The following CORO6 variants were observed in gnomAD, a reference collection of about 807,000 sequenced individuals.
CORO6 encodes coronin-6.
CORO6 carries 43 observed loss-of-function variants against 49.0 expected under a neutral mutation model. The ratio of observed to expected loss-of-function variants is 0.88; its 90% CI spans 0.69 to 1.13. The LOEUF (loss-of-function observed/expected upper bound fraction) is 1.13. Ranked by LOEUF, CORO6 falls within the 50% of genes most tolerant of loss-of-function variation. The pLI is 0.00. For missense variants in CORO6, 650 were observed against 647.0 expected (o/e 1.00, Z -0.05); for synonymous variants, 233 against 256.5 (o/e 0.91, Z 0.88).
Position 29,616,480 on chromosome 17 carries a change from A to G in CORO6, c.1005-144T>C. 1.1e-6 allele frequency: 1 copy of G among 922,900 alleles called. No homozygotes were observed. Among genetic ancestry groups the G allele is most frequent in the Non-Finnish European group, 1.6e-6 (1 of 616,426 alleles). The allele number at this position is 922,900 out of a possible 1,614,324, so 57.2% of individuals were successfully genotyped here. ...TACACACATTATTGGTTCTGCAATA[A>G]AACACCCTGATGGTGTGTTCACCAT... On this transcript the variant is annotated intron_variant, in intron 8 of 10. Coordinates refer to ENST00000388767, the MANE Select transcript of CORO6 (RefSeq NM_032854.4). This position sits in a 1 kb window ranked among gnomAD's most constrained non-coding sequence, Gnocchi z 5.6.
Position 29,615,559 on chromosome 17 carries a change from G to A in CORO6, c.*173C>T, listed in dbSNP as rs1007082192. ...GCAGTCCAGCCTCCGCTGGAGCGAC[G>A]TGGGTCTCCCCTAAGCTCCAAGAGT... is the stretch of plus-strand genomic sequence containing the variant. On this transcript the variant is annotated 3_prime_UTR_variant, in exon 11 of 11. Transcript: ENST00000388767. 15 of 665,874 alleles carry A rather than the reference G, an allele frequency of 2.3e-5. No homozygotes were observed. Among genetic ancestry groups the A allele is most frequent in the Middle Eastern group, 4.2e-4 (1 of 2,378 alleles). The allele number at this position is 665,874 out of a possible 1,614,324, so 41.2% of individuals were successfully genotyped here.
intron 2 of CORO6, 128 bp from the exon 3 acceptor site, chr17:29,619,901 T>C (rs987716102): frequency 1.3e-6 from 1 of 780,502 alleles, no homozygotes; most frequent in African/African-American, 1.7e-5. Context: ...TCTGCACTTC[T>C]AACCCCATCC....
chr17:29,615,041 G>C lies in CORO6; in HGVS notation c.*691C>G, dbSNP rs1009100712. 8 of 152,278 alleles carry C rather than the reference G, an allele frequency of 5.3e-5. No homozygotes were observed. Among genetic ancestry groups the C allele is most frequent in the African/African-American group, 1.9e-4 (8 of 41,452 alleles). The allele number at this position is 152,278 out of a possible 1,614,324, so 9.4% of individuals were successfully genotyped here. A position where few individuals can be genotyped will look rare whatever the true frequency, so the allele number is the denominator to read the frequency against. ...TTTCTGAGAGAGGCAACGGCAGAGG[G>C]TTGGGGGCAGTGTGTGTGTATTTGT... On this transcript the variant is annotated 3_prime_UTR_variant, in exon 11 of 11. Transcript: ENST00000388767.
rs1598637783 is a variant in CORO6 at position 29,617,628 on chromosome 17, A to G, written c.634-9T>C. 1 of 1,576,424 alleles carries G rather than the reference A, an allele frequency of 6.3e-7. No individual in the cohort carries two copies. The highest frequency in any genetic ancestry group is 8.6e-7 in the Non-Finnish European group (1 of 1,163,408). On this transcript the variant is annotated splice_polypyrimidine_tract_variant and intron_variant, in intron 5 of 10. Coordinates refer to ENST00000388767, the MANE Select transcript of CORO6 (RefSeq NM_032854.4). ...TGGGCCGCAAACCTCTCCTGGGGGG[A>G]GGGGGAGACAGGGAGGGACATCACC...
chr17:29,616,652 A>C lies in CORO6; in HGVS notation c.1004+50T>G. 17 of 1,594,484 alleles carry C rather than the reference A, an allele frequency of 1.1e-5. No homozygotes were observed. The highest frequency in any genetic ancestry group is 1.5e-5 in the Non-Finnish European group (17 of 1,164,988). ...AGCCCCGTGGCTAGGACCCGACATG[A>C]GTGGGGGACAGAGGCGGGTAGGTGT... On this transcript the variant is annotated intron_variant, in intron 8 of 10. Coordinates refer to ENST00000388767, the MANE Select transcript of CORO6 (RefSeq NM_032854.4). The surrounding 1 kb of genome is among the most constrained non-coding windows in gnomAD (Gnocchi z 5.6).
At position 29,621,573 on chromosome 17, in the gene CORO6, T is replaced by C; in HGVS notation, c.-63-89A>G. On this transcript the variant is annotated intron_variant, in intron 1 of 10. Transcript: ENST00000388767. The surrounding 1 kb of genome is among the most constrained non-coding windows in gnomAD (Gnocchi z 4.2). ...TATAAATCCATATAGTGTCTGGTCCTAGAAGCAGGGAGCTTTCTTCAAGGT... is the reference window on the plus strand; with the variant it reads ...TATAAATCCATATAGTGTCTGGTCCCAGAAGCAGGGAGCTTTCTTCAAGGT... 7.4e-7 allele frequency: 1 copy of C among 1,345,122 alleles called. No individual in the cohort carries two copies. The highest frequency in any genetic ancestry group is 2.5e-5 in the East Asian group (1 of 39,270). The allele number at this position is 1,345,122 out of a possible 1,614,324, so 83.3% of individuals were successfully genotyped here.
chr17:29,617,806 C>T (rs1234844267), intron 5 of CORO6, 187 bp from the exon 6 acceptor site: 2 of 744,698 alleles, frequency 2.7e-6, no homozygotes, highest in Non-Finnish European at 4.2e-6. Flanking sequence ...TGGAGAGCAT[C>T]CGGGCCTGGA....
At position 29,618,787 on chromosome 17, in the gene CORO6, C is replaced by G. The variant is rs373980692; in HGVS notation, c.633+3G>C. On this transcript the variant is annotated splice_donor_region_variant and intron_variant, in intron 5 of 10. Transcript: ENST00000388767. ...CTGGGGAGTGGCCAGGCCAGGCACT[C>G]ACCGCCACCACTTGGCCTTTTCTGG... The G allele has an allele frequency of 1.9e-6, 3 of 1,612,846 alleles. No homozygotes were observed. The African/African-American group carries it at 4.0e-5, about 22-fold the overall frequency.
chr17:29,616,856 T>G lies in CORO6; in HGVS notation c.859-9A>C, dbSNP rs528910705. On this transcript the variant is annotated splice_polypyrimidine_tract_variant and intron_variant, in intron 7 of 10. Transcript: ENST00000388767. The surrounding 1 kb of genome is among the most constrained non-coding windows in gnomAD (Gnocchi z 5.6). ...CGAATGCTGCTGTCGCCCTGCAAAA[T>G]CAGTCGGTTCAGGGGCGCGCCCGGA... 3.1e-6 allele frequency: 5 copies of G among 1,612,698 alleles called. No individual in the cohort carries two copies. In the African/African-American group the frequency reaches 5.3e-5, roughly 17 times the overall value.
rs776422694 is a variant in CORO6, at chr17:29,621,252, C to A, written c.170G>T (p.Gly57Val). The change falls in exon 2 of 11, where the codon GGT becomes GTT. Residue 57 changes from glycine (G) to valine (V), a missense_variant. Transcript: ENST00000388767. The surrounding 1 kb of genome is among the most constrained non-coding windows in gnomAD (Gnocchi z 4.2). ...GGCCAGAGGCAGGACGATGAAGGCA[C>A]CCCCGCCTCCAGCCTCCACAATAAT... ...LAIIVEAGGG[G>V]AFIVLPLAKT... 5 of 1,614,136 alleles carry A rather than the reference C, an allele frequency of 3.1e-6. No homozygotes were observed. In the East Asian group the frequency reaches 8.9e-5, roughly 29 times the overall value.
chr17:29,620,003 C>T (rs1483078950), intron 2 of CORO6, among the ~76,000 whole-genome samples: 4 of 152,180 alleles, frequency 2.6e-5, no homozygotes, highest in Non-Finnish European at 4.4e-5. Context: ...TCATCAAGGA[C>T]ACACAACAAG....
chr17:29,616,587 C>T lies in CORO6; in HGVS notation c.1004+115G>A, dbSNP rs929080315. The T allele has an allele frequency of 2.2e-6, 3 of 1,390,000 alleles. No individual in the cohort carries two copies. The highest frequency in any genetic ancestry group is 1.4e-5 in the African/African-American group (1 of 70,126). 86.1% of individuals were successfully genotyped at this position (1,390,000 alleles called of 1,614,324 possible). On this transcript the variant is annotated intron_variant, in intron 8 of 10. Coordinates refer to ENST00000388767, the MANE Select transcript of CORO6 (RefSeq NM_032854.4). The surrounding 1 kb of genome is among the most constrained non-coding windows in gnomAD (Gnocchi z 5.6). ...TGGCACTGAAACAGAGCTGTCTTAT[C>T]CCCCCGCCCCGCTTTTCCAAAGCAC...
intron 6 of CORO6, chr17:29,617,287 C>T (rs1359861496): frequency 6.5e-7 from 1 of 1,531,106 alleles, no homozygotes; most frequent in Non-Finnish European, 8.7e-7. Flanking sequence ...CCCAGGGACT[C>T]GGCATCACCA....
At position 29,621,839 on chromosome 17, in the gene CORO6, C is replaced by T. The variant is rs1178501023; in HGVS notation, c.-63-355G>A. The T allele has an allele frequency of 9.1e-5, 20 of 220,498 alleles. No homozygotes were observed. In the Admixed American group the frequency reaches 1.0e-3, roughly 11 times the overall value. 13.7% of individuals were successfully genotyped at this position (220,498 alleles called of 1,614,324 possible). A position where few individuals can be genotyped will look rare whatever the true frequency, so the allele number is the denominator to read the frequency against. On this transcript the variant is annotated intron_variant, in intron 1 of 10. Coordinates refer to ENST00000388767, the MANE Select transcript of CORO6 (RefSeq NM_032854.4). The surrounding 1 kb of genome is among the most constrained non-coding windows in gnomAD (Gnocchi z 4.2). Reference sequence around the variant, plus strand: ...TCTCTTCACGGACGTGGTTGTAGCTCCCAGAGGCACCCTGTCCAGAAGCAG... The same window carrying T: ...TCTCTTCACGGACGTGGTTGTAGCTTCCAGAGGCACCCTGTCCAGAAGCAG...
intron 4 of CORO6, 31 bp from the exon 5 acceptor site, chr17:29,619,002 G>C: frequency 6.2e-7 from 1 of 1,612,422 alleles, no homozygotes; most frequent in South Asian, 1.1e-5. Flanking sequence ...TGGTCACCTG[G>C]GTCCCACCTT....
intron 6 of CORO6, 133 bp downstream of exon 6, chr17:29,617,367 G>A (rs1465120700): frequency 1.3e-6 from 2 of 1,542,596 alleles, no homozygotes; most frequent in Middle Eastern, 1.7e-4. Context: ...GTGTGAGAAT[G>A]GCAGGCGCTG....
chr17:29,622,829 C>T lies in CORO6; in HGVS notation c.-205G>A. 7.7e-7 allele frequency: 1 copy of T among 1,306,482 alleles called. No homozygotes were observed. The highest frequency in any genetic ancestry group is 1.0e-6 in the Non-Finnish European group (1 of 991,796). The allele number at this position is 1,306,482 out of a possible 1,614,324, so 80.9% of individuals were successfully genotyped here. A position where few individuals can be genotyped will look rare whatever the true frequency, so the allele number is the denominator to read the frequency against. On this transcript the variant is annotated 5_prime_UTR_variant, in exon 1 of 11. Coordinates refer to ENST00000388767, the MANE Select transcript of CORO6 (RefSeq NM_032854.4). ...TAGTATCTGGGACCCGGGTGTCCAG[C>T]TCCGCACTCTGGCCGATCCTGCGGC...
chr17:29,616,023 G>C lies in CORO6; in HGVS notation c.1215C>G (p.Val405=). Residue 405 remains valine (V), a synonymous_variant, in exon 10 of 11, where the codon GTC becomes GTG. Transcript: ENST00000388767. This position sits in a 1 kb window ranked among gnomAD's most constrained non-coding sequence, Gnocchi z 5.6. ...GCACGTCCAGGATGTTGCGCTTCGT[G>C]ACCCGGAGCTCGCGGTGCTTGGGGG... ...YVPPKHRELR[V]TKRNILDVRP... 6.2e-7 allele frequency: 1 copy of C among 1,607,470 alleles called. No homozygotes were observed. Among genetic ancestry groups the C allele is most frequent in the Non-Finnish European group, 8.5e-7 (1 of 1,177,122 alleles).
rs1232534735 is a variant in CORO6, at chr17:29,615,734, A to T, written c.1417T>A (p.Ter473LysextTer54). ...MLCELVDGTD* is the reference protein window; with the variant it reads ...MLCELVDGTDK ...CTCCGCCTGCCTGGCGCGCGGGGCT[A>T]GTCCGTGCCGTCCACCAGCTCGCAC... The change falls in exon 11 of 11, where the codon TAG becomes AAG. Residue 473 changes from the stop codon to lysine (K), a stop_lost. Transcript: ENST00000388767. 4 of 1,542,766 alleles carry T rather than the reference A, an allele frequency of 2.6e-6. No individual in the cohort carries two copies. Among genetic ancestry groups the T allele is most frequent in the Non-Finnish European group, 3.5e-6 (4 of 1,144,788 alleles).
Sources: allele counts gnomAD v4.1 joint callset (sites outside exome capture counted in the v4.1 genomes callset), GRCh38; gene constraint gnomAD v4.1.1; non-coding constraint Gnocchi (gnomAD v3.1); transcripts MANE v1.5; gene names NCBI Gene and HGNC (gene_info 2026-07-23, HGNC 2026-07-21).